LTBP1: variants seen among roughly 807,000 people sequenced by gnomAD.
The protein encoded by LTBP1 is latent transforming growth factor beta binding protein 1, also known as latent-transforming growth factor beta-binding protein 1.
Under a neutral mutation model 207.6 loss-of-function variants are expected in LTBP1, and 129 were observed. The observed-to-expected ratio is 0.62, with a 90% CI of 0.54 to 0.72. The LOEUF is 0.72. LTBP1 is among the 30% of genes least tolerant of loss of function. The pLI, the probability that LTBP1 is intolerant of heterozygous loss-of-function variation, is 0.00. For synonymous variants in LTBP1, 963 were observed against 833.7 expected, an observed-to-expected ratio of 1.16 and a Z score of -2.67; for missense variants, 2,281 against 2,217.2, an observed-to-expected ratio of 1.03 and a Z score of -0.58.
rs201233135 is a variant in LTBP1, at chr2:32,996,874, TG to T, written c.566-24033del. On this transcript the variant is annotated intron_variant, in intron 2 of 33. Transcript: ENST00000404816. Reference sequence around the variant, plus strand: ...CCGCACTGCCCAGGGGTGGTATGGGTGGAACTTTTTTTTGTTTTGTTTTGTT... The same window carrying T: ...CCGCACTGCCCAGGGGTGGTATGGGTGAACTTTTTTTTGTTTTGTTTTGTT... Among the ~76,000 whole-genome samples, 1,475 of 152,022 alleles carry T rather than the reference TG, an allele frequency of 9.7e-3. 13 individuals are homozygous for T. The highest frequency in any genetic ancestry group is 0.016 in the Non-Finnish European group (1,084 of 67,962).
At chr2:33,201,664 C>G (rs1204488832) in intron 7 of LTBP1, among the ~76,000 whole-genome samples, 1 of 151,014 alleles carries the variant, frequency 6.6e-6, no homozygotes, top group Non-Finnish European at 1.5e-5. Context: ...AAAAAAGAAA[C>G]AAACTTCAAG....
In LTBP1 at chr2:33,285,173, C is replaced by A. The variant is rs570245631; in HGVS notation, c.3112+5015C>A. Among the ~76,000 whole-genome samples the A allele has an allele frequency of 2.0e-5, 3 of 150,846 alleles. 1 individual carries two copies. The South Asian group carries it at 6.3e-4, about 32-fold the overall frequency. ...TCTCCTGCGTCAGCCTCCCGAGTAG[C>A]TGGGATTACAGGTGCCCGCCACCAC... is the stretch of plus-strand genomic sequence containing the variant. On this transcript the variant is annotated intron_variant, in intron 19 of 33. Transcript: ENST00000404816.
At chr2:33,087,945 C>T (rs1392061026) in intron 3 of LTBP1, among the ~76,000 whole-genome samples, 1 of 152,094 alleles carries the variant, frequency 6.6e-6, no homozygotes, top group Non-Finnish European at 1.5e-5. Flanking sequence ...CTGATGTTGT[C>T]TGGTACACAG....
At position 33,044,238 on chromosome 2, in the gene LTBP1, A is replaced by G. The variant is rs148968550; in HGVS notation, c.863+23032A>G. Among the ~76,000 whole-genome samples, 415 of 152,018 alleles carry G rather than the reference A, an allele frequency of 2.7e-3. 4 individuals are homozygous for G. Among genetic ancestry groups the G allele is most frequent in the Middle Eastern group, 0.027 (8 of 294 alleles). ...CATCAACCTGTCATCTACATTAGGT[A>G]TTTCTCCTAATGCTATCCCTCCCCT... On this transcript the variant is annotated intron_variant, in intron 3 of 33. Coordinates refer to ENST00000404816, the MANE Select transcript of LTBP1 (RefSeq NM_206943.4).
intron 18 of LTBP1, among the ~76,000 whole-genome samples, chr2:33,278,054 G>A (rs1405523635): frequency 6.6e-6 from 1 of 151,070 alleles, no homozygotes; most frequent in Admixed American, 6.6e-5. Context: ...GGATGGTCTC[G>A]ATCTCCTGAC....
intron 23 of LTBP1, among the ~76,000 whole-genome samples, chr2:33,312,473 G>A (rs2094202141): frequency 6.6e-6 from 1 of 152,146 alleles, no homozygotes; most frequent in Non-Finnish European, 1.5e-5. Context: ...ATGCAGTTCA[G>A]TTTCATGTTT....
intron 21 of LTBP1, among the ~76,000 whole-genome samples, chr2:33,301,135 G>A (rs541410752): frequency 6.6e-6 from 1 of 152,262 alleles, no homozygotes; most frequent in South Asian, 2.1e-4. Context: ...ACTTTTTAAA[G>A]AAACATTTCA....
chr2:33,082,385 G>T (rs996112392), intron 3 of LTBP1, among the ~76,000 whole-genome samples: 2 of 151,068 alleles, frequency 1.3e-5, no homozygotes, highest in Non-Finnish European at 2.9e-5. Flanking sequence ...AGCATAGTGG[G>T]GATGAATTTC....
intron 4 of LTBP1, among the ~76,000 whole-genome samples, chr2:33,127,971 T>C (rs963152221): frequency 1.3e-5 from 2 of 152,174 alleles, no homozygotes; most frequent in Non-Finnish European, 1.5e-5. Flanking sequence ...GAAAGGGGCT[T>C]ACTTTCCCTT....
chr2:33,389,122 A>G (rs1334916650), intron 31 of LTBP1, 62 bp from the exon 32 acceptor site: 1 of 1,607,522 alleles, frequency 6.2e-7, no homozygotes, highest in East Asian at 2.2e-5. Flanking sequence ...CTGAGCTGCG[A>G]GGGGGTGGGG....
rs183938414 is a variant in LTBP1 at position 33,132,815 on chromosome 2, G to A, written c.1034-1978G>A. Among the ~76,000 whole-genome samples the A allele has an allele frequency of 1.4e-3, 211 of 152,274 alleles. 3 individuals carry two copies. The Middle Eastern group carries it at 0.017, about 12-fold the overall frequency. On this transcript the variant is annotated intron_variant, in intron 4 of 33. Coordinates refer to ENST00000404816, the MANE Select transcript of LTBP1 (RefSeq NM_206943.4). ...AGTGAGATGACCAACCCAGCTGATG[G>A]GTTCAAGTCCTAATTTTAGCTTTCT...
intron 2 of LTBP1, among the ~76,000 whole-genome samples, chr2:32,998,361 C>G (rs1685600750): frequency 6.6e-6 from 1 of 151,198 alleles, no homozygotes; most frequent in African/African-American, 2.4e-5. Flanking sequence ...ACTAAAAATA[C>G]AAAAATTAGC....
At chr2:33,273,802 C>G (rs745408203) in intron 16 of LTBP1, 21 bp downstream of exon 16, 1 of 1,568,030 alleles carries the variant, frequency 6.4e-7, no homozygotes, top group Non-Finnish European at 8.6e-7. Context: ...ATTTGATTGA[C>G]TAAATTATTA....
chr2:33,210,729 C>T (rs2149271498), intron 7 of LTBP1, among the ~76,000 whole-genome samples: 1 of 152,270 alleles, frequency 6.6e-6, no homozygotes, highest in East Asian at 1.9e-4. Flanking sequence ...ACCTGCCTTC[C>T]CCTGTCTTTA....
At chr2:33,313,870 G>A (rs2094222914) in intron 23 of LTBP1, among the ~76,000 whole-genome samples, 1 of 152,204 alleles carries the variant, frequency 6.6e-6, no homozygotes, top group South Asian at 2.1e-4. Context: ...GGACACAGAT[G>A]AGTAAACCAA....
chr2:33,123,217 A>G (rs1032275238), intron 4 of LTBP1, among the ~76,000 whole-genome samples: 5 of 152,116 alleles, frequency 3.3e-5, no homozygotes, highest in Admixed American at 2.0e-4. Flanking sequence ...ACCTGATGGT[A>G]TTGCTGTATT....
At chr2:33,170,846 G>A (rs1459326823) in intron 5 of LTBP1, among the ~76,000 whole-genome samples, 22 of 151,954 alleles carry the variant, frequency 1.4e-4, no homozygotes, top group African/African-American at 5.1e-4. Context: ...CAGCATTCGC[G>A]GTTCACGAAA....
chr2:33,078,105 A>G (rs1315576666), intron 3 of LTBP1, among the ~76,000 whole-genome samples: 2 of 152,224 alleles, frequency 1.3e-5, no homozygotes, highest in Non-Finnish European at 2.9e-5. Context: ...GAGACAATTT[A>G]TTTGTCACTG....
chr2:33,379,742 G>C (rs1006801770), intron 31 of LTBP1, among the ~76,000 whole-genome samples: 8 of 152,186 alleles, frequency 5.3e-5, no homozygotes, highest in Non-Finnish European at 1.2e-4. Context: ...CTTACTTCCT[G>C]TTATTGAATG....
Sources: gnomAD v4.1 joint callset for allele counts (sites outside exome capture counted in the v4.1 genomes callset) on GRCh38, gnomAD v4.1.1 for gene constraint, MANE v1.5 for transcripts, NCBI Gene and HGNC (gene_info 2026-07-23, HGNC 2026-07-21) for gene names.